PTPRE: variants seen among roughly 807,000 people sequenced by gnomAD.
PTPRE encodes the protein receptor-type tyrosine-protein phosphatase epsilon.
Under a neutral mutation model 102.0 loss-of-function variants are expected in PTPRE, and 51 were observed. The observed-to-expected ratio is 0.50, with a 90% CI of 0.40 to 0.63. The LOEUF is 0.63. Ranked by LOEUF, PTPRE falls within the 30% of genes least tolerant of loss-of-function variation. The pLI is 0.00. For synonymous variants in PTPRE, 345 were observed against 348.2 expected, an observed-to-expected ratio of 0.99 and a Z score of 0.10; for missense variants, 752 against 915.1, an observed-to-expected ratio of 0.82 and a Z score of 2.30.
rs559806370 is a variant in PTPRE, at chr10:127,976,650, A to G, written c.-30-5624A>G. On this transcript the variant is annotated intron_variant, in intron 1 of 20. Coordinates refer to ENST00000254667, the MANE Select transcript of PTPRE (RefSeq NM_006504.6). Reference sequence around the variant, plus strand: ...TTAGCAACATTGTTTTAAAGATTTCATCTCCTTTTCAAGGTGGTTTAACGC... The same window carrying G: ...TTAGCAACATTGTTTTAAAGATTTCGTCTCCTTTTCAAGGTGGTTTAACGC... Among the ~76,000 whole-genome samples, 11 of 152,310 alleles carry G rather than the reference A, an allele frequency of 7.2e-5. 1 individual carries two copies. The highest frequency in any genetic ancestry group is 2.6e-4 in the Admixed American group (4 of 15,300).
chr10:128,062,681 C>T (rs1434226184), intron 9 of PTPRE, among the ~76,000 whole-genome samples: 1 of 152,210 alleles, frequency 6.6e-6, no homozygotes, highest in Non-Finnish European at 1.5e-5. Flanking sequence ...TCGTATTGGA[C>T]AGCACCATGC....
At position 128,056,163 on chromosome 10, in the gene PTPRE, C is replaced by T; in HGVS notation, c.461C>T (p.Ala154Val). ...CACATACAAGGAACTTTTGAACTGGCAAATAAAGAAGAAAACAGAGAAAAA... is the reference window on the plus strand; with the variant it reads ...CACATACAAGGAACTTTTGAACTGGTAAATAAAGAAGAAAACAGAGAAAAA... ...SGHIQGTFEL[A>V]NKEENREKNR... The change falls in exon 7 of 21, where the codon GCA (alanine) becomes GTA (valine). Residue 154 changes from alanine (A) to valine (V), a missense_variant. Physicochemically the swap from Ala to Val is moderately conservative, Grantham distance 64. This residue lies in a region of PTPRE where 636 missense variants were observed against 824.4 expected (regional missense o/e 0.77). Transcript: ENST00000254667. The T allele has an allele frequency of 6.2e-7, 1 of 1,612,908 alleles. No homozygotes were observed. The highest frequency in any genetic ancestry group is 1.1e-5 in the South Asian group (1 of 91,072).
At position 128,073,283 on chromosome 10, in the gene PTPRE, A is replaced by G. The variant is rs985598436; in HGVS notation, c.1465-54A>G. 2.2e-5 allele frequency: 35 copies of G among 1,605,638 alleles called. No individual in the cohort carries two copies. The Admixed American group carries it at 5.9e-4, about 27-fold the overall frequency. On this transcript the variant is annotated intron_variant, in intron 16 of 20. Coordinates refer to ENST00000254667, the MANE Select transcript of PTPRE (RefSeq NM_006504.6). Reference sequence around the variant, plus strand: ...CTGTCCTAAACTTAGGGAGCAGGTAATGGAGCCAGGATGGAAGGAAGTCAG... The same window carrying G: ...CTGTCCTAAACTTAGGGAGCAGGTAGTGGAGCCAGGATGGAAGGAAGTCAG...
chr10:127,987,391 A>C (rs1056718955), intron 2 of PTPRE: 9 of 1,268,442 alleles, frequency 7.1e-6, no homozygotes, highest in Middle Eastern at 2.1e-4. Context: ...CCAGGAAGAC[A>C]AGAGGTAACG....
At chr10:127,982,934 A>C (rs1851758848) in intron 2 of PTPRE, among the ~76,000 whole-genome samples, 1 of 152,200 alleles carries the variant, frequency 6.6e-6, no homozygotes, top group South Asian at 2.1e-4. Context: ...AAACAAATCG[A>C]AGGAAGAAAA....
intron 2 of PTPRE, among the ~76,000 whole-genome samples, chr10:128,036,293 G>A (rs1031735545): frequency 5.4e-5 from 8 of 146,900 alleles, no homozygotes; most frequent in East Asian, 2.0e-4. Flanking sequence ...TCCCCCACAC[G>A]CTGCACTTGC....
At chr10:127,965,212 C>A (rs1347246712) in intron 1 of PTPRE, among the ~76,000 whole-genome samples, 1 of 152,136 alleles carries the variant, frequency 6.6e-6, no homozygotes, top group African/African-American at 2.4e-5. Flanking sequence ...ATGCTGACTC[C>A]CGTAATTTTA....
intron 2 of PTPRE, among the ~76,000 whole-genome samples, chr10:127,982,611 CGTT>C (rs1392361304): frequency 1.3e-5 from 2 of 151,670 alleles, no homozygotes; most frequent in East Asian, 3.9e-4. Context: ...ACTGACGTGT[CGTT>C]GCTTTTAAAA....
At chr10:128,072,878 G>T (rs1405217732) in intron 16 of PTPRE, among the ~76,000 whole-genome samples, 2 of 152,122 alleles carry the variant, frequency 1.3e-5, no homozygotes, top group Non-Finnish European at 2.9e-5. Context: ...ATGTGTTCAG[G>T]GCACACAGAG....
chr10:127,935,047 G>C (rs1390617834), intron 1 of PTPRE, among the ~76,000 whole-genome samples: 1 of 152,162 alleles, frequency 6.6e-6, no homozygotes, highest in African/African-American at 2.4e-5. Context: ...TTTCTTAGCA[G>C]GTGCTCCCAT....
intron 1 of PTPRE, 136 bp from the exon 2 acceptor site, chr10:127,982,138 A>ATTT (rs1851681153): frequency 2.7e-6 from 1 of 376,138 alleles, no homozygotes; most frequent in African/African-American, 2.2e-5. Flanking sequence ...CTAGATAAAG[A>ATTT]GGTCTCCAGA....
intron 10 of PTPRE, among the ~76,000 whole-genome samples, chr10:128,064,661 G>A (rs1213171209): frequency 6.6e-6 from 1 of 152,224 alleles, no homozygotes; most frequent in Admixed American, 6.5e-5. Flanking sequence ...TGCTGAAAGT[G>A]TCACTGGCAT....
chr10:127,923,394 T>C (rs1846753346), intron 1 of PTPRE, among the ~76,000 whole-genome samples: 1 of 145,880 alleles, frequency 6.9e-6, no homozygotes, highest in South Asian at 2.2e-4. Context: ...GAAAACCAGT[T>C]TGAATTTTTT....
At chr10:128,023,499 G>A (rs1298755534) in intron 2 of PTPRE, among the ~76,000 whole-genome samples, 1 of 152,148 alleles carries the variant, frequency 6.6e-6, no homozygotes, top group African/African-American at 2.4e-5. Flanking sequence ...TGACTTCCAT[G>A]ACAGCATATT....
At chr10:127,941,721 A>C (rs565516163) in intron 1 of PTPRE, among the ~76,000 whole-genome samples, 27 of 152,220 alleles carry the variant, frequency 1.8e-4, no homozygotes, top group African/African-American at 6.5e-4. Context: ...TTACTTCCAG[A>C]TCTCCATTCC....
At chr10:128,042,012 T>C (rs529587347) in intron 3 of PTPRE, among the ~76,000 whole-genome samples, 23 of 152,296 alleles carry the variant, frequency 1.5e-4, no homozygotes, top group African/African-American at 5.3e-4. Context: ...CACCTGTCTT[T>C]TTCCTCTTCA....
intron 2 of PTPRE, chr10:127,998,486 AAAT>A (rs1225463055): frequency 6.6e-6 from 1 of 152,224 alleles, no homozygotes; most frequent in Non-Finnish European, 1.5e-5. Context: ...TGGGAGGCAG[AAAT>A]AATAGTGAAT....
chr10:127,967,809 TC>T (rs1437724236), intron 1 of PTPRE, among the ~76,000 whole-genome samples: 1 of 152,186 alleles, frequency 6.6e-6, no homozygotes, highest in Non-Finnish European at 1.5e-5. Context: ...CCTTCATGCC[TC>T]CCTTCCAGGG....
intron 2 of PTPRE, among the ~76,000 whole-genome samples, chr10:128,031,218 A>G (rs896026495): frequency 6.6e-6 from 1 of 152,226 alleles, no homozygotes; most frequent in African/African-American, 2.4e-5. Context: ...GCGTAAACCT[A>G]CCCACAGAAG....
Sources: gnomAD v4.1 joint callset for allele counts (sites outside exome capture counted in the v4.1 genomes callset) on GRCh38, gnomAD v4.1.1 for gene constraint, gnomAD v4.1.1 regional missense constraint, MANE v1.5 for transcripts, NCBI Gene and HGNC (gene_info 2026-07-23, HGNC 2026-07-21) for gene names.